The following EEF2 variants were observed in gnomAD, a reference collection of about 807,000 sequenced individuals.
The protein encoded by EEF2 is eukaryotic translation elongation factor 2.
A neutral mutation model predicts 85.3 loss-of-function variants in EEF2; 21 were observed. The observed-to-expected ratio is 0.25, with a 90% confidence interval of 0.17 to 0.35. EEF2 has a LOEUF of 0.35. Ranked by LOEUF, EEF2 falls within the 10% of genes least tolerant of loss-of-function variation. The pLI is 1.00. For missense variants in EEF2, 825 were observed against 1,225.3 expected (o/e 0.67, Z 4.88); for synonymous variants, 723 against 508.8 (o/e 1.42, Z -5.67).
intron 6 of EEF2, 148 bp from the exon 7 acceptor site, chr19:3,981,600 C>A: frequency 2.6e-6 from 2 of 763,618 alleles, no homozygotes; most frequent in East Asian, 2.5e-5. Context: ...ACGGGCCCAG[C>A]CAGCTGAGCG....
chr19:3,984,589 G>A lies in EEF2; in HGVS notation c.4-239C>T, dbSNP rs528536967. On this transcript the variant is annotated intron_variant, in intron 1 of 14. Coordinates refer to ENST00000309311, the MANE Select transcript of EEF2 (RefSeq NM_001961.4). ...ACAACCCAGAAATAAAAGTGCTCAG[G>A]AATAAAACTGAGTGTCAACAGATTT... is the stretch of plus-strand genomic sequence containing the variant. Among the ~76,000 whole-genome samples, 170 of 152,276 alleles carry A rather than the reference G, an allele frequency of 1.1e-3. 1 individual carries two copies. Among genetic ancestry groups the A allele is most frequent in the African/African-American group, 3.9e-3 (164 of 41,546 alleles).
intron 14 of EEF2, 133 bp from the exon 15 acceptor site, chr19:3,976,880 C>T: frequency 8.9e-7 from 1 of 1,121,412 alleles, no homozygotes; most frequent in Non-Finnish European, 1.2e-6. Flanking sequence ...TGGTGCCCAG[C>T]ACTTCACGAA....
In EEF2 at chr19:3,976,519, G is replaced by T. The variant is rs1292524034; in HGVS notation, c.*35C>A. On this transcript the variant is annotated 3_prime_UTR_variant, in exon 15 of 15. Coordinates refer to ENST00000309311, the MANE Select transcript of EEF2 (RefSeq NM_001961.4). ...GGACGTGGTGCTGTGGGTGCTGCGAGTCCCCGGGGCGGCAGGCGCTGCAGG... is the reference window on the plus strand; with the variant it reads ...GGACGTGGTGCTGTGGGTGCTGCGATTCCCCGGGGCGGCAGGCGCTGCAGG... 2 of 1,574,180 alleles carry T rather than the reference G, an allele frequency of 1.3e-6. No homozygotes were observed. Among genetic ancestry groups the T allele is most frequent in the Admixed American group, 1.8e-5 (1 of 54,444 alleles).
In EEF2 at chr19:3,977,315, C is replaced by T. The variant is rs1464968978; in HGVS notation, c.2283G>A (p.Gly761=). 1 of 1,598,712 alleles carries T rather than the reference C, an allele frequency of 6.3e-7. No individual in the cohort carries two copies. Among genetic ancestry groups the T allele is most frequent in the African/African-American group, 1.3e-5 (1 of 74,568 alleles). The change falls in exon 14 of 15, where the codon GGG becomes GGA. Residue 761 remains glycine, a synonymous_variant. Coordinates refer to ENST00000309311, the MANE Select transcript of EEF2 (RefSeq NM_001961.4). The surrounding 1 kb of genome is among the most constrained non-coding windows in gnomAD (Gnocchi z 5.4). ...CPEQVVGGIY[G]VLNRKRGHVF... The stretch of plus-strand genomic sequence containing the variant: ...CGTGGCCCCGCTTCCTGTTCAAAAC[C>T]CCGTAGATGCCACCGACCACCTGCT...
At chr19:3,984,061 G>C in intron 2 of EEF2, 75 bp downstream of exon 2, 2 of 1,526,072 alleles carry the variant, frequency 1.3e-6, no homozygotes, top group Non-Finnish European at 9.0e-7. Context: ...CTCTCCCCGC[G>C]CACCCTGGCC....
chr19:3,977,891 G>T lies in EEF2; in HGVS notation c.1995C>A (p.Ile665=). The change falls in exon 12 of 15, where the codon ATC becomes ATA. Residue 665 remains isoleucine (I), a synonymous_variant. Transcript: ENST00000309311. The surrounding 1 kb of genome is among the most constrained non-coding windows in gnomAD (Gnocchi z 5.4). The part of the protein sequence containing the change: ...DGTGPNILTD[I]TKGVQYLNEI... ...CGTTGAGGTACTGCACACCCTTGGT[G>T]ATGTCGGTGAGGATGTTGGGGCCGG... The T allele has an allele frequency of 6.2e-7, 1 of 1,613,638 alleles. No individual in the cohort carries two copies. Among genetic ancestry groups the T allele is most frequent in the Non-Finnish European group, 8.5e-7 (1 of 1,179,920 alleles).
At chr19:3,976,787 G>C (rs763010885) in intron 14 of EEF2, 40 bp from the exon 15 acceptor site, 26 of 1,489,400 alleles carry the variant, frequency 1.7e-5, no homozygotes, top group Non-Finnish European at 2.1e-5. Flanking sequence ...CCATCGAGAA[G>C]GTGGCAGGGC....
At chr19:3,983,767 G>C (rs2039785140) in intron 2 of EEF2, 1 of 333,578 alleles carries the variant, frequency 3.0e-6, no homozygotes, top group East Asian at 6.9e-5. Flanking sequence ...GCCAGAAACT[G>C]ACATGGAATG....
chr19:3,978,272 C>T (rs751931356), intron 11 of EEF2, 100 bp from the exon 12 acceptor site: 1 of 1,058,038 alleles, frequency 9.5e-7, no homozygotes, highest in Non-Finnish European at 1.3e-6. Flanking sequence ...GGACCTCATA[C>T]AGCCTGGTAG....
intron 2 of EEF2, 131 bp downstream of exon 2, chr19:3,984,005 A>T: frequency 1.1e-6 from 1 of 946,564 alleles, no homozygotes; most frequent in Non-Finnish European, 1.6e-6. Context: ...AACCTCACTC[A>T]TTCTCCCATG....
intron 9 of EEF2, 100 bp downstream of exon 9, chr19:3,980,414 A>C (rs1456406605): frequency 7.2e-7 from 1 of 1,395,798 alleles, no homozygotes; most frequent in African/African-American, 1.4e-5. Flanking sequence ...TATTCCTTCT[A>C]TGCTCCTTAC....
Position 3,985,455 on chromosome 19 carries a change from G to A in EEF2, c.-75C>T, listed in dbSNP as rs2039809292. The A allele has an allele frequency of 1.4e-5, 20 of 1,414,380 alleles. No homozygotes were observed. The highest frequency in any genetic ancestry group is 4.5e-5 in the South Asian group (3 of 66,178). 87.6% of individuals were successfully genotyped at this position (1,414,380 alleles called of 1,614,324 possible). ...CGCGCCGAGGATGGCGGCGACGACG[G>A]CGGAAGAGAACGCTGACGTCAACAC... is the stretch of plus-strand genomic sequence containing the variant. On this transcript the variant is annotated 5_prime_UTR_variant, in exon 1 of 15. Coordinates refer to ENST00000309311, the MANE Select transcript of EEF2 (RefSeq NM_001961.4).
chr19:3,983,138 G>A lies in EEF2; in HGVS notation c.372C>T (p.Gly124=), dbSNP rs756754730. The change falls in exon 3 of 15, where the codon GGC becomes GGT. Residue 124 remains glycine, a synonymous_variant. Coordinates refer to ENST00000309311, the MANE Select transcript of EEF2 (RefSeq NM_001961.4). ...EVTAALRVTD[G]ALVVVDCVSG... Reference sequence around the variant, plus strand: ...ACACGCAGTCCACCACCACCAATGCGCCATCGGTGACTCGGAGGGCAGCAG... The same window carrying A: ...ACACGCAGTCCACCACCACCAATGCACCATCGGTGACTCGGAGGGCAGCAG... 4 of 1,613,938 alleles carry A rather than the reference G, an allele frequency of 2.5e-6. No homozygotes were observed. The highest frequency in any genetic ancestry group is 3.4e-6 in the Non-Finnish European group (4 of 1,180,010).
chr19:3,977,319 T>G lies in EEF2; in HGVS notation c.2279A>C (p.Tyr760Ser). ...QCPEQVVGGI[Y>S]GVLNRKRGHV... ...GCCCCGCTTCCTGTTCAAAACCCCG[T>G]AGATGCCACCGACCACCTGCTCTGG... The change falls in exon 14 of 15, where the codon TAC (tyrosine) becomes TCC (serine). Residue 760 changes from tyrosine to serine, a missense_variant. Tyr to Ser is a moderately radical substitution (Grantham distance 144). Transcript: ENST00000309311. The surrounding 1 kb of genome is among the most constrained non-coding windows in gnomAD (Gnocchi z 5.4). The G allele has an allele frequency of 6.3e-7, 1 of 1,598,156 alleles. No homozygotes were observed. The highest frequency in any genetic ancestry group is 8.5e-7 in the Non-Finnish European group (1 of 1,172,660).
chr19:3,981,960 T>A lies in EEF2; in HGVS notation c.884A>T (p.Asp295Val). 2 of 1,613,804 alleles carry A rather than the reference T, an allele frequency of 1.2e-6. No homozygotes were observed. Among genetic ancestry groups the A allele is most frequent in the South Asian group, 1.1e-5 (1 of 91,052 alleles). Residue 295 changes from aspartate (D) to valine (V), a missense_variant, in exon 6 of 15, where the codon GAC (aspartate) becomes GTC (valine). Coordinates refer to ENST00000309311, the MANE Select transcript of EEF2 (RefSeq NM_001961.4). ...LPRTFCQLIL[D>V]PIFKVFDAIM... ...GCCCTCACTCACCTTGAAGATGGGG[T>A]CCAGGATCAGCTGGCAGAAGGTGCG...
At chr19:3,983,538 G>T (rs190932442) in intron 2 of EEF2, among the ~76,000 whole-genome samples, 237 of 152,064 alleles carry the variant, frequency 1.6e-3, no homozygotes, top group Non-Finnish European at 2.6e-3. Context: ...CTGCCCCACC[G>T]ACTTGGTCCC....
chr19:3,983,914 G>C (rs574805470), intron 2 of EEF2: 2 of 581,654 alleles, frequency 3.4e-6, no homozygotes, highest in African/African-American at 3.7e-5. Context: ...GAACCACGGA[G>C]TTAAGCCCCC....
intron 5 of EEF2, 58 bp downstream of exon 5, chr19:3,982,188 C>T (rs1175339229): frequency 1.2e-5 from 19 of 1,606,080 alleles, no homozygotes; most frequent in Middle Eastern, 1.7e-4. Flanking sequence ...CACGCCCCTA[C>T]GTCGCTGCCA....
intron 11 of EEF2, among the ~76,000 whole-genome samples, chr19:3,978,606 C>CCATCCTG (rs2039705635): frequency 6.6e-6 from 1 of 150,894 alleles, no homozygotes; most frequent in South Asian, 2.1e-4. Flanking sequence ...GAGATCCAGA[C>CCATCCTG]CATCCTGGCT....
Sources: allele counts gnomAD v4.1 joint callset (sites outside exome capture counted in the v4.1 genomes callset), GRCh38; gene constraint gnomAD v4.1.1; non-coding constraint Gnocchi (gnomAD v3.1); transcripts MANE v1.5; gene names NCBI Gene and HGNC (gene_info 2026-07-23, HGNC 2026-07-21).